CEP128: variants seen among roughly 807,000 people sequenced by gnomAD.
CEP128 encodes centrosomal protein 128kDa.
A neutral mutation model predicts 156.7 loss-of-function variants in CEP128; 132 were observed. That is an observed-to-expected ratio of 0.84 (90% confidence interval 0.73 to 0.97). CEP128 has a LOEUF of 0.97. CEP128 is among the 50% of genes least tolerant of loss of function. CEP128 has a pLI of 0.00. For missense variants in CEP128, 1,252 were observed against 1,281.9 expected (o/e 0.98, Z 0.36); for synonymous variants, 469 against 448.9 (o/e 1.04, Z -0.57).
intron 19 of CEP128, among the ~76,000 whole-genome samples, chr14:80,640,321 T>G (rs147285752): frequency 1.0e-3 from 153 of 152,324 alleles, no homozygotes; most frequent in African/African-American, 3.6e-3. Context: ...AAAAAGTTCA[T>G]GATCTATTAA....
downstream of CEP128, among the ~76,000 whole-genome samples, chr14:80,486,364 C>T (rs535158437): frequency 8.6e-5 from 13 of 151,992 alleles, no homozygotes; most frequent in East Asian, 2.1e-3. Context: ...AAATATGGGA[C>T]TATGTGAAAA....
intron 13 of CEP128, among the ~76,000 whole-genome samples, chr14:80,824,288 T>C (rs1237689278): frequency 6.6e-6 from 1 of 152,230 alleles, no homozygotes; most frequent in African/African-American, 2.4e-5. Flanking sequence ...GTCTCTGACA[T>C]GCCCTGGAGA....
chr14:80,636,587 G>T (rs1048070052), intron 19 of CEP128, among the ~76,000 whole-genome samples: 1 of 152,102 alleles, frequency 6.6e-6, no homozygotes, highest in Non-Finnish European at 1.5e-5. Context: ...TTGCACCAGA[G>T]AATTAGAGAT....
intron 2 of CEP128, among the ~76,000 whole-genome samples, chr14:80,949,579 T>G (rs956604123): frequency 2.0e-5 from 3 of 152,236 alleles, no homozygotes; most frequent in Non-Finnish European, 4.4e-5. Flanking sequence ...CATGGAACAC[T>G]GGCTAGAGTA....
At chr14:80,944,867 CAG>C (rs1886300143), upstream of CEP128, among the ~76,000 whole-genome samples, 1 of 43,580 alleles carries the variant, frequency 2.3e-5, no homozygotes, top group South Asian at 8.4e-4. Flanking sequence ...ACAGAAAAAA[CAG>C]AACAAAACAA....
intron 6 of CEP128, 139 bp downstream of exon 6, chr14:80,904,673 CA>C: frequency 3.3e-5 from 19 of 580,118 alleles, no homozygotes; most frequent in South Asian, 5.4e-5. Flanking sequence ...TACTTGGTTC[CA>C]AAAAAAGGGA....
intron 17 of CEP128, 131 bp downstream of exon 17, chr14:80,761,306 A>C (rs953886216): frequency 1.5e-5 from 10 of 657,760 alleles, no homozygotes; most frequent in East Asian, 2.8e-5. Flanking sequence ...ATTCTAAAAA[A>C]TGCAAAATGT....
At chr14:80,606,744 A>G (rs1467641068) in intron 19 of CEP128, among the ~76,000 whole-genome samples, 5 of 152,104 alleles carry the variant, frequency 3.3e-5, no homozygotes, top group Non-Finnish European at 4.4e-5. Context: ...CTCTCAAACA[A>G]TGACCTCTTT....
intron 10 of CEP128, 89 bp downstream of exon 10, chr14:80,840,593 G>A: frequency 1.3e-6 from 1 of 776,048 alleles, no homozygotes; most frequent in Non-Finnish European, 2.2e-6. Context: ...ATGTTCTAAA[G>A]GATCCTGGGG....
At chr14:80,718,946 CA>C (rs1376279986) in intron 19 of CEP128, among the ~76,000 whole-genome samples, 4 of 152,106 alleles carry the variant, frequency 2.6e-5, no homozygotes, top group East Asian at 3.9e-4. Flanking sequence ...TGGTTTCTGA[CA>C]GAAAAGTTTT....
chr14:80,871,653 CTTCT>C (rs994020783), intron 8 of CEP128, among the ~76,000 whole-genome samples: 4 of 152,144 alleles, frequency 2.6e-5, no homozygotes, highest in African/African-American at 7.2e-5. Context: ...TATTTTAGAA[CTTCT>C]TTATTTTTTC....
At chr14:80,740,966 C>A (rs185040475) in intron 19 of CEP128, among the ~76,000 whole-genome samples, 27 of 152,128 alleles carry the variant, frequency 1.8e-4, no homozygotes, top group Admixed American at 5.9e-4. Context: ...TAGCACCTAC[C>A]CCAAACTGGA....
chr14:80,780,272 C>T (rs374160735), intron 15 of CEP128, among the ~76,000 whole-genome samples: 6 of 152,078 alleles, frequency 3.9e-5, no homozygotes, highest in East Asian at 3.8e-4. Flanking sequence ...TCTAAAACTC[C>T]GTTGTGTGCA....
intron 3 of CEP128, among the ~76,000 whole-genome samples, chr14:80,915,015 T>C (rs1223240782): frequency 6.6e-6 from 1 of 152,168 alleles, no homozygotes; most frequent in Non-Finnish European, 1.5e-5. Flanking sequence ...TCCATTGTTA[T>C]CTTACTTTAC....
intron 8 of CEP128, among the ~76,000 whole-genome samples, chr14:80,871,318 C>T (rs1888017850): frequency 6.6e-6 from 1 of 152,044 alleles, no homozygotes; most frequent in South Asian, 2.1e-4. Flanking sequence ...TCATTGGATG[C>T]CACTGCAGTA....
At chr14:80,542,364 G>A (rs1889803472) in intron 21 of CEP128, among the ~76,000 whole-genome samples, 2 of 152,104 alleles carry the variant, frequency 1.3e-5, no homozygotes, top group African/African-American at 4.8e-5. Context: ...TAGAAATATT[G>A]TGGCAAGAAA....
At chr14:80,938,391 C>T (rs377412712) in intron 2 of CEP128, among the ~76,000 whole-genome samples, 9 of 151,980 alleles carry the variant, frequency 5.9e-5, no homozygotes, top group African/African-American at 1.4e-4. Flanking sequence ...GGACTACAGG[C>T]GCCTGCCACC....
At chr14:80,671,910 G>A (rs1215904123) in intron 19 of CEP128, among the ~76,000 whole-genome samples, 1 of 151,830 alleles carries the variant, frequency 6.6e-6, no homozygotes, top group Non-Finnish European at 1.5e-5. Flanking sequence ...GGGACAGGTG[G>A]GGTAGAATTT....
downstream of CEP128, among the ~76,000 whole-genome samples, chr14:80,488,054 C>CA (rs1253298922): frequency 4.7e-5 from 7 of 148,282 alleles, no homozygotes; most frequent in East Asian, 4.1e-4. Flanking sequence ...AATAGAGACA[C>CA]AAAAAACCCT....
Sources: gnomAD v4.1 joint callset for allele counts (sites outside exome capture counted in the v4.1 genomes callset) on GRCh38, gnomAD v4.1.1 for gene constraint, MANE v1.5 for transcripts, NCBI Gene and HGNC (gene_info 2026-07-23, HGNC 2026-07-21) for gene names.